The following PCDHGB4 variants were observed in gnomAD, a reference collection of about 807,000 sequenced individuals.
PCDHGB4 encodes the protein protocadherin gamma-B4.
In PCDHGB4, 38 loss-of-function variants were observed where a neutral mutation model predicts 60.5. The ratio of observed to expected loss-of-function variants is 0.63; its 90% CI spans 0.48 to 0.82. PCDHGB4 has a LOEUF of 0.82. Among genes scored for constraint, PCDHGB4 ranks in the 40% least tolerant of loss-of-function variants. PCDHGB4 has a pLI of 0.00. For synonymous variants in PCDHGB4, 456 were observed against 509.7 expected (o/e 0.89, Z 1.42); for missense variants, 1,109 against 1,209.6 (o/e 0.92, Z 1.23).
At position 141,505,390 on chromosome 5, in the gene PCDHGB4, C is replaced by T; in HGVS notation, c.2457-3C>T. On this transcript the variant is annotated splice_polypyrimidine_tract_variant and splice_region_variant and intron_variant, in intron 2 of 3. Coordinates refer to ENST00000519479, the MANE Select transcript of PCDHGB4 (RefSeq NM_003736.4). ...TGTGCTCACCATCCTACTCTCTCCCCAGCTCCCAAAATGGCGATGACACCG... is the reference window on the plus strand; with the variant it reads ...TGTGCTCACCATCCTACTCTCTCCCTAGCTCCCAAAATGGCGATGACACCG... The T allele has an allele frequency of 6.2e-7, 1 of 1,614,130 alleles. No individual in the cohort carries two copies.
intron 3 of PCDHGB4, among the ~76,000 whole-genome samples, chr5:141,509,336 GC>G (rs2099876304): frequency 6.6e-6 from 1 of 152,178 alleles, no homozygotes; most frequent in Non-Finnish European, 1.5e-5. Context: ...TGCCAGCTGG[GC>G]CTGGGCTGGC....
chr5:141,420,920 A>G, intron 1 of PCDHGB4: 1 of 338,894 alleles, frequency 3.0e-6, no homozygotes, highest in Middle Eastern at 8.3e-4. Flanking sequence ...GTGATTCACA[A>G]AGGTGAGCGT....
chr5:141,492,303 G>A (rs969991314), intron 1 of PCDHGB4, among the ~76,000 whole-genome samples: 1 of 152,202 alleles, frequency 6.6e-6, no homozygotes, highest in African/African-American at 2.4e-5. Context: ...GCGGACGCAC[G>A]CACGCACTCC....
Position 141,491,094 on chromosome 5 carries a change from G to T in PCDHGB4, c.2398-3713G>T. ...TGCCACAGTCCACAGCCCCAGGACT[G>T]TTCCTCGTGTCTACACACACTGGTG... On this transcript the variant is annotated intron_variant, in intron 1 of 3. Transcript: ENST00000519479. This position sits in a 1 kb window ranked among gnomAD's most constrained non-coding sequence, Gnocchi z 6.9. The T allele has an allele frequency of 6.2e-7, 1 of 1,614,202 alleles. No homozygotes were observed. The highest frequency in any genetic ancestry group is 1.1e-5 in the South Asian group (1 of 91,086).
intron 1 of PCDHGB4, chr5:141,430,905 C>T: frequency 6.2e-7 from 1 of 1,606,922 alleles, no homozygotes; most frequent in Non-Finnish European, 8.5e-7. Context: ...GGCGACATCT[C>T]CAGGGACCTG....
intron 1 of PCDHGB4, among the ~76,000 whole-genome samples, chr5:141,454,932 C>T (rs945154196): frequency 1.3e-5 from 2 of 150,768 alleles, no homozygotes; most frequent in African/African-American, 2.4e-5. Context: ...CTCAGCCTCC[C>T]GAGTAGCTGG....
intron 1 of PCDHGB4, chr5:141,413,247 CGGGATTCCAT>C: frequency 6.2e-7 from 1 of 1,613,940 alleles, no homozygotes; most frequent in South Asian, 1.1e-5. Flanking sequence ...GCCTTTTCTT[CGGGATTCCAT>C]GGGAGGCTGG....
chr5:141,416,990 A>C (rs912916110), intron 1 of PCDHGB4: 20 of 151,946 alleles, frequency 1.3e-4, no homozygotes, highest in African/African-American at 4.1e-4. Flanking sequence ...ATTATTGTGC[A>C]TTCATCTCAA....
chr5:141,501,290 TACACACACACACACACACAC>T (rs55762287), intron 2 of PCDHGB4, among the ~76,000 whole-genome samples: 1 of 136,162 alleles, frequency 7.3e-6, no homozygotes, highest in Non-Finnish European at 1.6e-5. Flanking sequence ...TATTCCCTTA[TACACACACACACACACACAC>T]ACACACACAC....
chr5:141,431,023 C>G lies in PCDHGB4; in HGVS notation c.2397+40742C>G. 6.2e-7 allele frequency: 1 copy of G among 1,613,748 alleles called. No homozygotes were observed. Among genetic ancestry groups the G allele is most frequent in the Non-Finnish European group, 8.5e-7 (1 of 1,179,820 alleles). On this transcript the variant is annotated intron_variant, in intron 1 of 3. Transcript: ENST00000519479. This position sits in a 1 kb window ranked among gnomAD's most constrained non-coding sequence, Gnocchi z 4.8. ...GCAGCGGCAGCTTGGTCACGGCGGG[C>G]AGGATAGACCGGGAGGAGCTCTGTA...
chr5:141,463,438 CTTTTTTTTTTT>C (rs71576115), intron 1 of PCDHGB4, among the ~76,000 whole-genome samples: 7 of 103,256 alleles, frequency 6.8e-5, no homozygotes, highest in African/African-American at 1.8e-4. Flanking sequence ...TTTCCTTCTC[CTTTTTTTTTTT>C]TTTTTTTTTT....
In PCDHGB4 at chr5:141,431,766, C is replaced by T. The variant is rs1474420822; in HGVS notation, c.2397+41485C>T. Reference sequence around the variant, plus strand: ...TCTGCGCGAGCCAAAGTCCTGATCACTGTTCTGGACGTGAACGACAATGCC... The same window carrying T: ...TCTGCGCGAGCCAAAGTCCTGATCATTGTTCTGGACGTGAACGACAATGCC... On this transcript the variant is annotated intron_variant, in intron 1 of 3. Transcript: ENST00000519479. The surrounding 1 kb of genome is among the most constrained non-coding windows in gnomAD (Gnocchi z 4.8). 2.5e-6 allele frequency: 4 copies of T among 1,614,196 alleles called. No individual in the cohort carries two copies. Among genetic ancestry groups the T allele is most frequent in the Non-Finnish European group, 3.4e-6 (4 of 1,180,010 alleles).
At position 141,388,652 on chromosome 5, in the gene PCDHGB4, C is replaced by T; in HGVS notation, c.768C>T (p.Tyr256=). The T allele has an allele frequency of 6.2e-7, 1 of 1,613,844 alleles. No individual in the cohort carries two copies. Among genetic ancestry groups the T allele is most frequent in the African/African-American group, 1.3e-5 (1 of 75,002 alleles). ...VYRVSLSENV[Y]PGTTVLQVTA... is the part of the protein sequence containing the mutation. Reference sequence around the variant, plus strand: ...GGGTGAGCCTTTCAGAAAACGTGTACCCGGGGACCACGGTGCTACAGGTGA... The same window carrying T: ...GGGTGAGCCTTTCAGAAAACGTGTATCCGGGGACCACGGTGCTACAGGTGA... The change falls in exon 1 of 4, where the codon TAC becomes TAT. Residue 256 remains tyrosine, a synonymous_variant. Coordinates refer to ENST00000519479, the MANE Select transcript of PCDHGB4 (RefSeq NM_003736.4).
At position 141,420,090 on chromosome 5, in the gene PCDHGB4, G is replaced by A. The variant is rs779478924; in HGVS notation, c.2397+29809G>A. 4.2e-5 allele frequency: 68 copies of A among 1,613,932 alleles called. No individual in the cohort carries two copies. Among genetic ancestry groups the A allele is most frequent in the Non-Finnish European group, 5.7e-5 (67 of 1,179,886 alleles). On this transcript the variant is annotated intron_variant, in intron 1 of 3. Coordinates refer to ENST00000519479, the MANE Select transcript of PCDHGB4 (RefSeq NM_003736.4). ...GGACCTGTGGGTCCCCCCAACTACA[G>A]TGAGGGAACGTTGCCCTATGCCTAT...
Position 141,477,350 on chromosome 5 carries a change from A to G in PCDHGB4, c.2398-17457A>G. The G allele has an allele frequency of 6.2e-7, 1 of 1,614,142 alleles. No individual in the cohort carries two copies. Among genetic ancestry groups the G allele is most frequent in the Non-Finnish European group, 8.5e-7 (1 of 1,180,016 alleles). On this transcript the variant is annotated intron_variant, in intron 1 of 3. Transcript: ENST00000519479. The surrounding 1 kb of genome is among the most constrained non-coding windows in gnomAD (Gnocchi z 4.9). ...CAAGAATTACTTCACTTTGAAAACC[A>G]GTGCAGACCTGGATCGGGAGACTGT...
Position 141,511,913 on chromosome 5 carries a change from A to G in PCDHGB4, c.*740A>G, listed in dbSNP as rs1190072814. On this transcript the variant is annotated 3_prime_UTR_variant, in exon 4 of 4. Coordinates refer to ENST00000519479, the MANE Select transcript of PCDHGB4 (RefSeq NM_003736.4). ...CCCCCACCTCCTCCTCAAACAAGAG[A>G]CTCCACTGCATGTTCCAAGACAGTA... is the stretch of plus-strand genomic sequence containing the variant. The G allele has an allele frequency of 6.4e-6, 1 of 156,050 alleles. No individual in the cohort carries two copies. The highest frequency in any genetic ancestry group is 2.4e-5 in the African/African-American group (1 of 41,402). The allele number at this position is 156,050 out of a possible 1,614,324, so 9.7% of individuals were successfully genotyped here.
intron 1 of PCDHGB4, chr5:141,415,955 G>A: frequency 8.5e-6 from 4 of 472,662 alleles, no homozygotes; most frequent in Non-Finnish European, 1.3e-5. Context: ...GTCACATATT[G>A]AAACTCCAGC....
At chr5:141,419,024 G>A (rs1423033793) in intron 1 of PCDHGB4, 2 of 1,613,874 alleles carry the variant, frequency 1.2e-6, no homozygotes, top group Admixed American at 1.7e-5. Flanking sequence ...CTTAAGTAGA[G>A]GTGTTCCATT....
At position 141,511,108 on chromosome 5, in the gene PCDHGB4, G is replaced by A; in HGVS notation, c.2707G>A (p.Asp903Asn). The A allele has an allele frequency of 6.2e-7, 1 of 1,614,244 alleles. No homozygotes were observed. The highest frequency in any genetic ancestry group is 2.2e-5 in the East Asian group (1 of 44,882). Residue 903 changes from aspartate (D) to asparagine (N), a missense_variant, in exon 4 of 4, where the codon GAT (aspartate) becomes AAT (asparagine). Physicochemically the swap from Asp to Asn is conservative, Grantham distance 23. This residue lies in a region of PCDHGB4 where 1,068 missense variants were observed against 1,089.9 expected (regional missense o/e 0.98). Coordinates refer to ENST00000519479, the MANE Select transcript of PCDHGB4 (RefSeq NM_003736.4). ...ATLTNAAGKR[D>N]GKAPAGGNGN... Reference sequence around the variant, plus strand: ...ACTGACCAACGCAGCTGGCAAGCGGGATGGCAAGGCCCCAGCAGGTGGCAA... The same window carrying A: ...ACTGACCAACGCAGCTGGCAAGCGGAATGGCAAGGCCCCAGCAGGTGGCAA...
Sources: allele counts gnomAD v4.1 joint callset (sites outside exome capture counted in the v4.1 genomes callset), GRCh38; gene constraint gnomAD v4.1.1; regional missense constraint gnomAD v4.1.1; non-coding constraint Gnocchi (gnomAD v3.1); transcripts MANE v1.5; gene names NCBI Gene and HGNC (gene_info 2026-07-23, HGNC 2026-07-21).